Variants in B4GALT5 observed in about 807,000 individuals in gnomAD.
B4GALT5 encodes the protein beta-1,4-galactosyltransferase 5, also known as UDP-Gal:beta-GlcNAc beta-1,4-galactosyltransferase 5.
B4GALT5 carries 11 observed loss-of-function variants against 45.0 expected under a neutral mutation model. That is an observed-to-expected ratio of 0.24 (90% CI 0.15 to 0.40). B4GALT5 has a LOEUF of 0.40. B4GALT5 is among the 10% of genes least tolerant of loss of function. The pLI is 1.00. For missense variants in B4GALT5, 337 were observed against 500.2 expected (o/e 0.67, Z 3.11); for synonymous variants, 185 against 182.9 (o/e 1.01, Z -0.09).
chr20:49,649,105 A>G (rs1384637815), intron 2 of B4GALT5, among the ~76,000 whole-genome samples: 1 of 152,132 alleles, frequency 6.6e-6, no homozygotes, highest in Non-Finnish European at 1.5e-5. Context: ...ACGGCTGCCT[A>G]CTCTGCGCTG....
intron 2 of B4GALT5, among the ~76,000 whole-genome samples, chr20:49,647,297 T>C (rs1349135278): frequency 6.6e-6 from 1 of 152,252 alleles, no homozygotes; most frequent in Non-Finnish European, 1.5e-5. Context: ...CTATTGATTT[T>C]ATAGGTTTAT....
intron 1 of B4GALT5, among the ~76,000 whole-genome samples, chr20:49,699,175 T>C (rs1732315003): frequency 6.6e-6 from 1 of 152,138 alleles, no homozygotes; most frequent in South Asian, 2.1e-4. Context: ...CTGGGGTAGA[T>C]GACAATGACA....
At chr20:49,712,572 C>G (rs1160613349) in intron 1 of B4GALT5, among the ~76,000 whole-genome samples, 1 of 152,194 alleles carries the variant, frequency 6.6e-6, no homozygotes, top group Non-Finnish European at 1.5e-5. Context: ...GCTCCCCCTT[C>G]TCACCTGGTA....
intron 2 of B4GALT5, among the ~76,000 whole-genome samples, chr20:49,648,587 T>C (rs2085608539): frequency 6.6e-6 from 1 of 152,232 alleles, no homozygotes; most frequent in African/African-American, 2.4e-5. Context: ...TATCAGTGGT[T>C]CTTCTGCTTT....
intron 2 of B4GALT5, among the ~76,000 whole-genome samples, chr20:49,652,908 C>A (rs2085628151): frequency 6.6e-6 from 1 of 152,196 alleles, no homozygotes; most frequent in African/African-American, 2.4e-5. Context: ...GTGCTCCAGG[C>A]AGAAGTGGTC....
chr20:49,690,386 T>C (rs925332438), intron 1 of B4GALT5, among the ~76,000 whole-genome samples: 6 of 151,968 alleles, frequency 3.9e-5, no homozygotes, highest in Non-Finnish European at 8.8e-5. Flanking sequence ...AAAAGTAATG[T>C]TTAAAAGGGA....
At chr20:49,677,262 A>G (rs1473939700) in intron 1 of B4GALT5, among the ~76,000 whole-genome samples, 3 of 152,086 alleles carry the variant, frequency 2.0e-5, no homozygotes, top group African/African-American at 7.2e-5. Context: ...CCAAAAGTCT[A>G]GCCCTAAGAT....
chr20:49,700,164 T>C (rs929073920), intron 1 of B4GALT5, among the ~76,000 whole-genome samples: 1 of 152,170 alleles, frequency 6.6e-6, no homozygotes, highest in African/African-American at 2.4e-5. Context: ...TGGGCCTGGG[T>C]GCATGCCCTT....
intron 1 of B4GALT5, among the ~76,000 whole-genome samples, chr20:49,685,175 G>C (rs1186110447): frequency 2.0e-5 from 3 of 152,156 alleles, no homozygotes; most frequent in African/African-American, 4.8e-5. Flanking sequence ...CAGGTGAACT[G>C]ATTTCCCAAG....
chr20:49,673,147 C>T (rs72626554), intron 1 of B4GALT5, among the ~76,000 whole-genome samples: 2,450 of 152,172 alleles, frequency 0.016, 39 homozygotes, highest in East Asian at 0.083. Context: ...TTTGGGAAGC[C>T]GAGGCAGGCG....
intron 1 of B4GALT5, among the ~76,000 whole-genome samples, chr20:49,662,568 C>T (rs527509152): frequency 6.6e-6 from 1 of 152,208 alleles, no homozygotes; most frequent in African/African-American, 2.4e-5. Flanking sequence ...ATTTCAAGCC[C>T]TTCTCTTTAT....
chr20:49,676,793 A>C (rs2085739368), intron 1 of B4GALT5, among the ~76,000 whole-genome samples: 1 of 152,262 alleles, frequency 6.6e-6, no homozygotes, highest in Admixed American at 6.5e-5. Context: ...TAAAACCATA[A>C]AGCAATAATT....
chr20:49,693,766 G>C (rs1408743149), intron 1 of B4GALT5, among the ~76,000 whole-genome samples: 1 of 152,196 alleles, frequency 6.6e-6, no homozygotes, highest in Non-Finnish European at 1.5e-5. Flanking sequence ...GAAGTTTAGA[G>C]AACAGTGCAA....
At position 49,713,823 on chromosome 20, in the gene B4GALT5, G is replaced by A; in HGVS notation, c.-133C>T. On this transcript the variant is annotated 5_prime_UTR_variant, in exon 1 of 9. Transcript: ENST00000371711. ...TCCCGGGCCTCGCGGGCCGCCACTC[G>A]CCGCCGCCGCCGCCTCGCCGCTCCC... The A allele has an allele frequency of 6.6e-6, 1 of 151,550 alleles. No individual in the cohort carries two copies. The highest frequency in any genetic ancestry group is 1.4e-5 in the Non-Finnish European group (1 of 69,768). 9.4% of individuals were successfully genotyped at this position (151,550 alleles called of 1,614,324 possible). A position where few individuals can be genotyped will look rare whatever the true frequency, so the allele number is the denominator to read the frequency against.
intron 4 of B4GALT5, among the ~76,000 whole-genome samples, chr20:49,643,021 G>A (rs139756488): frequency 2.4e-4 from 36 of 152,372 alleles, no homozygotes; most frequent in African/African-American, 7.2e-4. Context: ...AGCACTTAAC[G>A]AGGCTGGCAC....
At chr20:49,636,560 C>A in intron 8 of B4GALT5, 101 bp from the exon 9 acceptor site, 2 of 1,330,260 alleles carry the variant, frequency 1.5e-6, no homozygotes, top group Admixed American at 2.2e-5. Flanking sequence ...GGACGCAACC[C>A]ATGGCAGCAC....
chr20:49,668,738 T>G (rs1462224315), intron 1 of B4GALT5, among the ~76,000 whole-genome samples: 2 of 152,000 alleles, frequency 1.3e-5, no homozygotes, highest in African/African-American at 2.4e-5. Flanking sequence ...CCCCTCGTCC[T>G]AATCTCTGTC....
chr20:49,661,846 C>A (rs903970455), intron 1 of B4GALT5, among the ~76,000 whole-genome samples: 1 of 152,204 alleles, frequency 6.6e-6, no homozygotes, highest in Admixed American at 6.5e-5. Context: ...ATTTGTTTTA[C>A]ACTTTCATGA....
At chr20:49,704,008 GA>G (rs1885582492) in intron 1 of B4GALT5, among the ~76,000 whole-genome samples, 1 of 151,944 alleles carries the variant, frequency 6.6e-6, no homozygotes, top group Admixed American at 6.6e-5. Flanking sequence ...TCATTTTTCT[GA>G]ACAGGAATAA....
Sources: allele counts gnomAD v4.1 joint callset (sites outside exome capture counted in the v4.1 genomes callset), GRCh38; gene constraint gnomAD v4.1.1; transcripts MANE v1.5; gene names NCBI Gene and HGNC (gene_info 2026-07-23, HGNC 2026-07-21).